RERE: variants seen among roughly 807,000 people sequenced by gnomAD.
The protein encoded by RERE is arginine-glutamic acid dipeptide repeats protein.
RERE carries 40 observed loss-of-function variants against 146.1 expected under a neutral mutation model. The ratio of observed to expected loss-of-function variants is 0.27; its 90% CI spans 0.21 to 0.36. The LOEUF is 0.36. Among genes scored for constraint, RERE ranks in the 10% least tolerant of loss-of-function variants. The probability of loss-of-function intolerance (pLI) is 1.00; values close to 1 mark genes in which losing one functional copy is unlikely to be tolerated. For synonymous variants in RERE, 1,003 were observed against 866.0 expected, an observed-to-expected ratio of 1.16 and a Z score of -2.78; for missense variants, 1,933 against 2,138.7, an observed-to-expected ratio of 0.90 and a Z score of 1.90.
intron 2 of RERE, among the ~76,000 whole-genome samples, chr1:8,653,620 G>A (rs1647752040): frequency 6.6e-6 from 1 of 151,208 alleles, no homozygotes; most frequent in African/African-American, 2.4e-5. Context: ...GCGTGAACCC[G>A]GGAGGCGGAG....
At chr1:8,577,066 G>T (rs1646303827) in intron 4 of RERE, among the ~76,000 whole-genome samples, 1 of 151,958 alleles carries the variant, frequency 6.6e-6, no homozygotes, top group Admixed American at 6.6e-5. Flanking sequence ...CTACTTGGGA[G>T]GCTGAGGCAG....
rs567432335 is a variant in RERE at position 8,810,626 on chromosome 1, TA to T, written c.-145+6533del. On this transcript the variant is annotated intron_variant, in intron 1 of 22. Transcript: ENST00000400908. ...TTCCTCAAAAAATTTAAATTTAAATTAAAAAAAATTAATTTTACAGGTGCAT... is the reference window on the plus strand; with the variant it reads ...TTCCTCAAAAAATTTAAATTTAAATTAAAAAAATTAATTTTACAGGTGCAT... 8.6e-5 allele frequency among the ~76,000 whole-genome samples: 13 copies of T among 151,932 alleles called. No individual in the cohort carries two copies. In the South Asian group the frequency reaches 1.2e-3, roughly 15 times the overall value.
intron 1 of RERE, among the ~76,000 whole-genome samples, chr1:8,757,090 CAA>C (rs34237128): frequency 4.2e-4 from 25 of 59,484 alleles, no homozygotes; most frequent in East Asian, 1.5e-3. Context: ...AACTCCATCT[CAA>C]AAAAAAAAAA....
chr1:8,739,959 C>T (rs1640276013), intron 1 of RERE, among the ~76,000 whole-genome samples: 2 of 151,910 alleles, frequency 1.3e-5, no homozygotes, highest in Admixed American at 1.3e-4. Flanking sequence ...TGGGCCACTG[C>T]ACATGGGTTT....
chr1:8,518,368 G>C (rs565246086), intron 7 of RERE, among the ~76,000 whole-genome samples: 2 of 152,204 alleles, frequency 1.3e-5, no homozygotes, highest in South Asian at 4.1e-4. Flanking sequence ...TGTGGCTGGC[G>C]TCATGTATGA....
chr1:8,602,773 TTTGTG>T (rs1557427858), intron 4 of RERE, among the ~76,000 whole-genome samples: 1 of 152,212 alleles, frequency 6.6e-6, no homozygotes, highest in African/African-American at 2.4e-5. Context: ...AGTGCTATCC[TTTGTG>T]TTAACAGTCC....
At chr1:8,666,746 TCAGA>T (rs1387017247) in intron 1 of RERE, among the ~76,000 whole-genome samples, 1 of 152,230 alleles carries the variant, frequency 6.6e-6, no homozygotes, top group Admixed American at 6.5e-5. Context: ...ATCTGCAAAC[TCAGA>T]CAGAAATAAA....
chr1:8,511,803 C>A (rs995769800), intron 7 of RERE: 1 of 149,696 alleles, frequency 6.7e-6, no homozygotes, highest in Non-Finnish European at 1.5e-5. Flanking sequence ...TATCCTGTAT[C>A]CCCAGACAGC....
intron 12 of RERE, among the ~76,000 whole-genome samples, chr1:8,377,642 C>T (rs187446472): frequency 1.3e-5 from 2 of 152,062 alleles, no homozygotes; most frequent in African/African-American, 4.8e-5. Context: ...TTCTCTATCT[C>T]GTAAACATTT....
At chr1:8,756,114 G>A (rs12144098) in intron 1 of RERE, among the ~76,000 whole-genome samples, 44,986 of 151,892 alleles carry the variant, frequency 0.3, 7,034 homozygotes, top group Non-Finnish European at 0.33. Flanking sequence ...GGGCAACATA[G>A]CGAGACCCCA....
chr1:8,595,542 A>G (rs1230940843), intron 4 of RERE, among the ~76,000 whole-genome samples: 1 of 151,688 alleles, frequency 6.6e-6, no homozygotes, highest in African/African-American at 2.4e-5. Context: ...TTAATGTATT[A>G]TTTTAATTGT....
chr1:8,417,269 A>G (rs902803744), intron 12 of RERE, among the ~76,000 whole-genome samples: 4 of 152,224 alleles, frequency 2.6e-5, no homozygotes, highest in Non-Finnish European at 5.9e-5. Context: ...TCTCAATAGC[A>G]TTTATTCTCT....
At chr1:8,413,637 C>T (rs891077106) in intron 12 of RERE, among the ~76,000 whole-genome samples, 1 of 152,144 alleles carries the variant, frequency 6.6e-6, no homozygotes, top group African/African-American at 2.4e-5. Flanking sequence ...AGCCACTGTA[C>T]CTGCCCAATC....
intron 7 of RERE, among the ~76,000 whole-genome samples, chr1:8,532,600 T>A (rs1295168038): frequency 2.0e-5 from 3 of 151,926 alleles, no homozygotes; most frequent in Non-Finnish European, 4.4e-5. Context: ...TTATTATTTT[T>A]AATTTTTTTT....
chr1:8,397,658 C>A (rs1205271081), intron 12 of RERE, among the ~76,000 whole-genome samples: 2 of 151,954 alleles, frequency 1.3e-5, no homozygotes, highest in African/African-American at 2.4e-5. Context: ...AGTTTTATTT[C>A]CTGCTGGCTT....
At chr1:8,585,626 A>G (rs541700114) in intron 4 of RERE, among the ~76,000 whole-genome samples, 6 of 152,230 alleles carry the variant, frequency 3.9e-5, no homozygotes, top group Non-Finnish European at 7.3e-5. Flanking sequence ...TCAGGAGCCA[A>G]TAAGAGGTTC....
At chr1:8,650,478 T>C (rs1345842013) in intron 2 of RERE, among the ~76,000 whole-genome samples, 1 of 152,154 alleles carries the variant, frequency 6.6e-6, no homozygotes, top group African/African-American at 2.4e-5. Context: ...TAAAGATCTA[T>C]TCACTTGGAA....
intron 10 of RERE, among the ~76,000 whole-genome samples, chr1:8,486,409 GC>G: frequency 6.6e-6 from 1 of 152,090 alleles, no homozygotes; most frequent in South Asian, 2.1e-4. Flanking sequence ...ACTTAGAGAA[GC>G]CCCAAGTATC....
chr1:8,464,534 A>G (rs1306061733), intron 11 of RERE, among the ~76,000 whole-genome samples: 1 of 151,988 alleles, frequency 6.6e-6, no homozygotes, highest in Non-Finnish European at 1.5e-5. Context: ...GGGGCACATC[A>G]CCATGCCCTG....
Sources: gnomAD v4.1 joint callset for allele counts (sites outside exome capture counted in the v4.1 genomes callset) on GRCh38, gnomAD v4.1.1 for gene constraint, MANE v1.5 for transcripts, NCBI Gene and HGNC (gene_info 2026-07-23, HGNC 2026-07-21) for gene names.